TRIM62: variants seen among roughly 807,000 people sequenced by gnomAD.
The protein encoded by TRIM62 is tripartite motif containing 62, also known as E3 ubiquitin-protein ligase TRIM62.
Under a neutral mutation model 44.2 loss-of-function variants are expected in TRIM62, and 39 were observed. The ratio of observed to expected loss-of-function variants is 0.88; its 90% CI spans 0.68 to 1.15. TRIM62 has a LOEUF of 1.15. Among genes scored for constraint, TRIM62 ranks in the 50% most tolerant of loss-of-function variants. TRIM62 has a pLI of 0.00. For missense variants in TRIM62, 544 were observed against 665.5 expected, an observed-to-expected ratio of 0.82 and a Z score of 2.01; for synonymous variants, 278 against 292.3, an observed-to-expected ratio of 0.95 and a Z score of 0.50.
Position 33,181,324 on chromosome 1 carries a change from C to A in TRIM62, c.109G>T (p.Glu37Ter), listed in dbSNP as rs757221267. 135 of 1,572,974 alleles carry A rather than the reference C, an allele frequency of 8.6e-5. No individual in the cohort carries two copies. Among genetic ancestry groups the A allele is most frequent in the Non-Finnish European group, 1.1e-4 (132 of 1,163,716 alleles). Residue 37 changes from glutamate to a stop codon, truncating the protein, a stop_gained, in exon 1 of 5, where the codon GAG (glutamate) becomes TAG (stop). Coordinates refer to ENST00000291416, the MANE Select transcript of TRIM62 (RefSeq NM_018207.3). LOFTEE classifies it high-confidence loss of function. The surrounding 1 kb of genome is among the most constrained non-coding windows in gnomAD (Gnocchi z 6.5). Reference sequence around the variant, plus strand: ...TGCGCCTCCTGCCGCACCCAGTGCTCCGTGATGCAGCGGCGGCAGAAGTAA... The same window carrying A: ...TGCGCCTCCTGCCGCACCCAGTGCTACGTGATGCAGCGGCGGCAGAAGTAA... ...EHYFCRRCITEHWVRQEAQGA... is the reference protein window; with the variant it reads ...EHYFCRRCIT
Position 33,177,097 on chromosome 1 carries a change from A to G in TRIM62, c.408+3928T>C, listed in dbSNP as rs1645427768. Among the ~76,000 whole-genome samples, 1 of 151,832 alleles carries G rather than the reference A, an allele frequency of 6.6e-6. No homozygotes were observed. Among genetic ancestry groups the G allele is most frequent in the Admixed American group, 6.6e-5 (1 of 15,256 alleles). On this transcript the variant is annotated intron_variant, in intron 1 of 4. Coordinates refer to ENST00000291416, the MANE Select transcript of TRIM62 (RefSeq NM_018207.3). This position sits in a 1 kb window ranked among gnomAD's most constrained non-coding sequence, Gnocchi z 4.1. ...CACACACATGCATGCACAAATGCAC[A>G]CACATGCACACACACATGCATGTAC...
chr1:33,147,413 TGTACTG>T lies in TRIM62; in HGVS notation c.1186_1191del (p.Gln396_Tyr397del). On this transcript the variant is annotated inframe_deletion, in exon 5 of 5. Transcript: ENST00000291416. The surrounding 1 kb of genome is among the most constrained non-coding windows in gnomAD (Gnocchi z 8.1). ...CGCGTCCAGGGCTCCGTGCAGGCGC[TGTACTG>T]GTTGCCATCGTGCATCACGATGCAG... The T allele has an allele frequency of 6.2e-7, 1 of 1,614,114 alleles. No homozygotes were observed. The highest frequency in any genetic ancestry group is 2.2e-5 in the East Asian group (1 of 44,872).
intron 4 of TRIM62, among the ~76,000 whole-genome samples, chr1:33,156,085 C>T (rs3863726): frequency 0.19 from 28,401 of 152,196 alleles, 3,143 homozygotes; most frequent in South Asian, 0.3. Flanking sequence ...GGGCTCCCAG[C>T]AGAAGCTGGC....
At position 33,165,548 on chromosome 1, in the gene TRIM62, G is replaced by A; in HGVS notation, c.427C>T (p.Leu143Phe). Residue 143 changes from leucine (L) to phenylalanine (F), a missense_variant, in exon 2 of 5, where the codon CTT (leucine) becomes TTT (phenylalanine). Transcript: ENST00000291416. The surrounding 1 kb of genome is among the most constrained non-coding windows in gnomAD (Gnocchi z 4.0). ...DELQRELKDQ[L>F]QALQDSEREH... ...CGCTCGCTGTCTTGAAGGGCCTGAA[G>A]TTGGTCCTTCAGCTCCCTCTGAAAC... is the stretch of plus-strand genomic sequence containing the variant. 6.2e-7 allele frequency: 1 copy of A among 1,609,972 alleles called. No individual in the cohort carries two copies. Among genetic ancestry groups the A allele is most frequent in the Non-Finnish European group, 8.5e-7 (1 of 1,178,020 alleles).
chr1:33,158,463 G>A (rs2124728353), intron 3 of TRIM62, 95 bp from the exon 4 acceptor site: 2 of 949,066 alleles, frequency 2.1e-6, no homozygotes, highest in East Asian at 4.9e-5. Context: ...GCTGGCATAG[G>A]ATGTGGTCAT....
rs1261679437 is a variant in TRIM62, at chr1:33,174,983, A to T, written c.408+6042T>A. Among the ~76,000 whole-genome samples the T allele has an allele frequency of 2.9e-3, 380 of 133,038 alleles. 5 individuals carry two copies. Among genetic ancestry groups the T allele is most frequent in the African/African-American group, 1.0e-2 (358 of 35,934 alleles). The allele number at this position is 133,038 out of a possible 152,430, so 87.3% of individuals were successfully genotyped here. A position where few individuals can be genotyped will look rare whatever the true frequency, so the allele number is the denominator to read the frequency against. On this transcript the variant is annotated intron_variant, in intron 1 of 4. Coordinates refer to ENST00000291416, the MANE Select transcript of TRIM62 (RefSeq NM_018207.3). ...TATATATATATACACACATATACATATATATGCACACACACATGTATGTAT... is the reference window on the plus strand; with the variant it reads ...TATATATATATACACACATATACATTTATATGCACACACACATGTATGTAT...
intron 4 of TRIM62, among the ~76,000 whole-genome samples, chr1:33,150,680 C>T (rs551998569): frequency 6.6e-6 from 1 of 152,310 alleles, no homozygotes; most frequent in South Asian, 2.1e-4. Flanking sequence ...TTGTCAGAAC[C>T]AGGGGGCCCC....
At position 33,145,598 on chromosome 1, in the gene TRIM62, G is replaced by A. The variant is rs533505959; in HGVS notation, c.*1579C>T. 4.5e-5 allele frequency: 9 copies of A among 200,044 alleles called. No individual in the cohort carries two copies. In the South Asian group the frequency reaches 4.6e-4, roughly 10 times the overall value. 12.4% of individuals were successfully genotyped at this position (200,044 alleles called of 1,614,324 possible). A position where few individuals can be genotyped will look rare whatever the true frequency, so the allele number is the denominator to read the frequency against. On this transcript the variant is annotated 3_prime_UTR_variant, in exon 5 of 5. Coordinates refer to ENST00000291416, the MANE Select transcript of TRIM62 (RefSeq NM_018207.3). ...AGAACCCCCTGTGTTTAGCTCTTCC[G>A]GCTACTTTGGGATGGTGTGTTGTGT...
rs2147990012 is a variant in TRIM62, at chr1:33,177,062, CACAT to C, written c.408+3959_408+3962del. ...ATGCACACACACACGCACACACACACACATGCACACACACACATGCATGCACAAA... is the reference window on the plus strand; with the variant it reads ...ATGCACACACACACGCACACACACACGCACACACACACATGCATGCACAAA... On this transcript the variant is annotated intron_variant, in intron 1 of 4. Transcript: ENST00000291416. This position sits in a 1 kb window ranked among gnomAD's most constrained non-coding sequence, Gnocchi z 4.1. Among the ~76,000 whole-genome samples, 1 of 64,096 alleles carries C rather than the reference CACAT, an allele frequency of 1.6e-5. No individual in the cohort carries two copies. The highest frequency in any genetic ancestry group is 5.0e-4 in the East Asian group (1 of 2,016). 42.0% of individuals were successfully genotyped at this position (64,096 alleles called of 152,430 possible).
In TRIM62 at chr1:33,167,468, T is replaced by C. The variant is rs920586470; in HGVS notation, c.409-1902A>G. Among the ~76,000 whole-genome samples, 6 of 152,178 alleles carry C rather than the reference T, an allele frequency of 3.9e-5. No individual in the cohort carries two copies. Among genetic ancestry groups the C allele is most frequent in the Admixed American group, 3.3e-4 (5 of 15,276 alleles). On this transcript the variant is annotated intron_variant, in intron 1 of 4. Coordinates refer to ENST00000291416, the MANE Select transcript of TRIM62 (RefSeq NM_018207.3). This position sits in a 1 kb window ranked among gnomAD's most constrained non-coding sequence, Gnocchi z 4.2. ...CAGGCATTGGGAATCTAGCCCATTG[T>C]ATTATCGCCAGTTGTTCTCCTGTCT...
intron 4 of TRIM62, among the ~76,000 whole-genome samples, chr1:33,156,563 C>T (rs1208241110): frequency 6.6e-6 from 1 of 152,202 alleles, no homozygotes; most frequent in Non-Finnish European, 1.5e-5. Flanking sequence ...GGGTCCCCCT[C>T]TTGTCCCTGA....
rs1411735336 is a variant in TRIM62, at chr1:33,147,286, G to A, written c.1319C>T (p.Thr440Ile). The change falls in exon 5 of 5, where the codon ACC becomes ATC. Residue 440 changes from threonine (T) to isoleucine (I), a missense_variant. Coordinates refer to ENST00000291416, the MANE Select transcript of TRIM62 (RefSeq NM_018207.3). This position sits in a 1 kb window ranked among gnomAD's most constrained non-coding sequence, Gnocchi z 8.1. ...CTTGCCAGGGAACTTCTCGCGGAAG[G>A]TGTAGAGCCAGGACATGTCATCAGC... ...YNADDMSWLY[T>I]FREKFPGKLC... 6.2e-7 allele frequency: 1 copy of A among 1,614,188 alleles called. No homozygotes were observed. The highest frequency in any genetic ancestry group is 8.5e-7 in the Non-Finnish European group (1 of 1,180,040).
At position 33,154,134 on chromosome 1, in the gene TRIM62, A is replaced by G. The variant is rs372190561; in HGVS notation, c.877+4119T>C. Among the ~76,000 whole-genome samples the G allele has an allele frequency of 2.6e-5, 4 of 152,294 alleles. No homozygotes were observed. In the East Asian group the frequency reaches 7.7e-4, roughly 29 times the overall value. ...ACGTGTAGATGAGGGAGAATACAAA[A>G]CATGTAGATGAGGGAGAATATGGCT... On this transcript the variant is annotated intron_variant, in intron 4 of 4. Transcript: ENST00000291416.
At chr1:33,174,366 T>G (rs913551899) in intron 1 of TRIM62, among the ~76,000 whole-genome samples, 4 of 152,134 alleles carry the variant, frequency 2.6e-5, no homozygotes, top group Non-Finnish European at 4.4e-5. Flanking sequence ...GCATTTTTTA[T>G]AGAGATAGGG....
At chr1:33,180,994 G>A (rs1406400507) in intron 1 of TRIM62, 31 bp downstream of exon 1, 8 of 607,806 alleles carry the variant, frequency 1.3e-5, no homozygotes, top group Middle Eastern at 3.2e-4. Flanking sequence ...GCCCGGCCCC[G>A]CCCCTTCCCC....
At chr1:33,160,566 G>A (rs555688335) in intron 2 of TRIM62, among the ~76,000 whole-genome samples, 66 of 152,012 alleles carry the variant, frequency 4.3e-4, no homozygotes, top group Non-Finnish European at 8.4e-4. Context: ...CACTATGCCC[G>A]GATAATTTTT....
In TRIM62 at chr1:33,165,738, C is replaced by T. The variant is rs938994472; in HGVS notation, c.409-172G>A. 17 of 481,002 alleles carry T rather than the reference C, an allele frequency of 3.5e-5. No individual in the cohort carries two copies. Among genetic ancestry groups the T allele is most frequent in the South Asian group, 3.7e-5 (1 of 26,904 alleles). The allele number at this position is 481,002 out of a possible 1,614,324, so 29.8% of individuals were successfully genotyped here. The stretch of plus-strand genomic sequence containing the variant: ...AGTCCTGTAGAGTCTGTCTCCTAAA[C>T]ACCTCCAGAACCCGTCCGTATCTTT... On this transcript the variant is annotated intron_variant, in intron 1 of 4. Coordinates refer to ENST00000291416, the MANE Select transcript of TRIM62 (RefSeq NM_018207.3). The surrounding 1 kb of genome is among the most constrained non-coding windows in gnomAD (Gnocchi z 4.0).
rs770479369 is a variant in TRIM62, at chr1:33,181,048, C to G, written c.385G>C (p.Asp129His). Residue 129 changes from aspartate to histidine, a missense_variant, in exon 1 of 5, where the codon GAC becomes CAC. By Grantham distance (81) the Asp-to-His change is moderately conservative. Transcript: ENST00000291416. The surrounding 1 kb of genome is among the most constrained non-coding windows in gnomAD (Gnocchi z 6.5). ...LHEQHQVTGI[D>H]DAFDELQREL... ...ACCTGCAGCTCGTCGAAGGCGTCGT[C>G]GATGCCGGTGACCTGATGCTGCTCG... is the stretch of plus-strand genomic sequence containing the variant. The G allele has an allele frequency of 1.3e-6, 2 of 1,548,710 alleles. No homozygotes were observed. The highest frequency in any genetic ancestry group is 1.7e-6 in the Non-Finnish European group (2 of 1,149,988).
chr1:33,174,071 G>A (rs1185003132), intron 1 of TRIM62, among the ~76,000 whole-genome samples: 1 of 152,026 alleles, frequency 6.6e-6, no homozygotes, highest in Non-Finnish European at 1.5e-5. Flanking sequence ...ACCATTTTTA[G>A]GTGTACAATT....
Sources: gnomAD v4.1 joint callset for allele counts (sites outside exome capture counted in the v4.1 genomes callset) on GRCh38, gnomAD v4.1.1 for gene constraint, Gnocchi (gnomAD v3.1) non-coding constraint, MANE v1.5 for transcripts, NCBI Gene and HGNC (gene_info 2026-07-23, HGNC 2026-07-21) for gene names.